The following CCDC110 variants were observed in gnomAD, a reference collection of about 807,000 sequenced individuals.
CCDC110 encodes coiled-coil domain containing 110, also known as coiled-coil domain-containing protein 110.
CCDC110 carries 70 observed loss-of-function variants against 77.1 expected under a neutral mutation model. The ratio of observed to expected loss-of-function variants is 0.91; its 90% confidence interval spans 0.75 to 1.11. The LOEUF (loss-of-function observed/expected upper bound fraction) is 1.11, where lower values mean the gene tolerates loss of function less well. CCDC110 is among the 50% of genes least tolerant of loss of function. The probability of loss-of-function intolerance (pLI) is 0.00; values close to 1 mark genes in which losing one functional copy is unlikely to be tolerated. For missense variants in CCDC110, 868 were observed against 942.9 expected (o/e 0.92, Z 1.04); for synonymous variants, 295 against 312.5 (o/e 0.94, Z 0.59).
In CCDC110 at chr4:185,458,781, A is replaced by G; in HGVS notation, c.1806T>C (p.Leu602=). ...THQLLKEKSS[L]GNELKESQLE... is the part of the protein sequence containing the mutation. ...GCTGGCTTTCTTTTAGTTCATTTCCAAGTGAGCTTTTTTCTTTTAGAAGCT... is the reference window on the plus strand; with the variant it reads ...GCTGGCTTTCTTTTAGTTCATTTCCGAGTGAGCTTTTTTCTTTTAGAAGCT... The change falls in exon 6 of 7, where the codon CTT becomes CTC. Residue 602 remains leucine, a synonymous_variant. Transcript: ENST00000307588. 2 of 1,610,314 alleles carry G rather than the reference A, an allele frequency of 1.2e-6. No homozygotes were observed. Among genetic ancestry groups the G allele is most frequent in the Non-Finnish European group, 1.7e-6 (2 of 1,179,152 alleles).
At chr4:185,471,280 AT>A (rs2095666624) in intron 1 of CCDC110, among the ~76,000 whole-genome samples, 1 of 84,030 alleles carries the variant, frequency 1.2e-5, no homozygotes, top group Non-Finnish European at 2.4e-5. Context: ...GGGCGCAGGG[AT>A]GGGATGGGGC....
intron 4 of CCDC110, 121 bp downstream of exon 4, chr4:185,462,522 C>A: frequency 2.8e-6 from 2 of 722,334 alleles, no homozygotes; most frequent in African/African-American, 1.8e-5. Context: ...CTAGAATATG[C>A]TGTGGCCTCT....
At chr4:185,450,964 T>G (rs935859716) in intron 6 of CCDC110, among the ~76,000 whole-genome samples, 6 of 152,168 alleles carry the variant, frequency 3.9e-5, no homozygotes, top group African/African-American at 1.4e-4. Flanking sequence ...AATCTCATCT[T>G]GAGTTGTAGC....
chr4:185,469,985 C>T (rs747570668), intron 2 of CCDC110, among the ~76,000 whole-genome samples: 1 of 152,194 alleles, frequency 6.6e-6, no homozygotes, highest in Admixed American at 6.5e-5. Flanking sequence ...GCTCCTTCCC[C>T]GGCATGTCCC....
At chr4:185,471,455 G>T (rs969966402) in intron 1 of CCDC110, 136 of 472,894 alleles carry the variant, frequency 2.9e-4, no homozygotes, top group Non-Finnish European at 4.3e-4. Context: ...CTGGGCGGGC[G>T]GCGGCGGCAG....
chr4:185,470,287 C>G (rs2153325805), intron 2 of CCDC110, among the ~76,000 whole-genome samples: 1 of 152,328 alleles, frequency 6.6e-6, no homozygotes, highest in East Asian at 1.9e-4. Context: ...ATGCCCAAGT[C>G]CCTAATACAA....
At chr4:185,453,447 CACTT>C (rs1369696765) in intron 6 of CCDC110, among the ~76,000 whole-genome samples, 1 of 151,976 alleles carries the variant, frequency 6.6e-6, no homozygotes, top group African/African-American at 2.4e-5. Flanking sequence ...AATTATGAAT[CACTT>C]AATCTACATC....
intron 6 of CCDC110, chr4:185,457,341 G>A: frequency 2.2e-6 from 1 of 455,894 alleles, no homozygotes; most frequent in Non-Finnish European, 4.4e-6. Context: ...TACAGGAAAG[G>A]GCAGGCATCT....
Position 185,459,091 on chromosome 4 carries a change from T to A in CCDC110, c.1496A>T (p.Glu499Val), listed in dbSNP as rs977963203. The A allele has an allele frequency of 6.3e-7, 1 of 1,583,034 alleles. No homozygotes were observed. Among genetic ancestry groups the A allele is most frequent in the African/African-American group, 1.4e-5 (1 of 73,908 alleles). The change falls in exon 6 of 7, where the codon GAA becomes GTA. Residue 499 changes from glutamate to valine, a missense_variant. Coordinates refer to ENST00000307588, the MANE Select transcript of CCDC110 (RefSeq NM_152775.4). ...TTCTTTAAGACACTCTTTGCTGTAT[T>A]CTTCTGTTTTACTTAACTTAGACTG... ...TIQSKLSKTE[E>V]YSKECLKEFK...
intron 6 of CCDC110, chr4:185,449,501 C>T (rs1261966983): frequency 2.0e-5 from 15 of 745,318 alleles, no homozygotes; most frequent in Non-Finnish European, 3.2e-5. Flanking sequence ...CCAGCCTGGG[C>T]AACAGAGCGA....
rs759787010 is a variant in CCDC110, at chr4:185,471,035, C to G, written c.25G>C (p.Glu9Gln). Residue 9 changes from glutamate to glutamine, a missense_variant, in exon 2 of 7, where the codon GAA (glutamate) becomes CAA (glutamine). Physicochemically the swap from Glu to Gln is conservative, Grantham distance 29. Coordinates refer to ENST00000307588, the MANE Select transcript of CCDC110 (RefSeq NM_152775.4). ...AGAACGGAGTCAACTTCATCCTCTT[C>G]CCGGTGCTGCTTTTCTGTAACAGAA... MSPEKQHREEDEVDSVLLS... is the reference protein window; with the variant it reads MSPEKQHRQEDEVDSVLLS... 1.6e-5 allele frequency: 25 copies of G among 1,585,338 alleles called. No homozygotes were observed. Among genetic ancestry groups the G allele is most frequent in the South Asian group, 6.7e-5 (6 of 89,896 alleles).
intron 6 of CCDC110, among the ~76,000 whole-genome samples, chr4:185,447,540 G>A (rs1379295987): frequency 2.0e-5 from 3 of 152,140 alleles, no homozygotes; most frequent in African/African-American, 2.4e-5. Context: ...TGCATAAAGC[G>A]TTTGTCAAGT....
At position 185,459,126 on chromosome 4, in the gene CCDC110, C is replaced by CT. The variant is rs1561160132; in HGVS notation, c.1460dup (p.Ser488GlufsTer6). 6.3e-7 allele frequency: 1 copy of CT among 1,596,460 alleles called. No homozygotes were observed. The highest frequency in any genetic ancestry group is 2.2e-5 in the East Asian group (1 of 44,700). Reference sequence around the variant, plus strand: ...TACTTAACTTAGACTGAATAGTACTCTTTTCTTCAACCAGATTCTTAAGTT... The same window carrying CT: ...TACTTAACTTAGACTGAATAGTACTCTTTTTCTTCAACCAGATTCTTAAGTT... On this transcript the variant is annotated frameshift_variant, in exon 6 of 7. Coordinates refer to ENST00000307588, the MANE Select transcript of CCDC110 (RefSeq NM_152775.4). LOFTEE classifies it high-confidence loss of function.
At chr4:185,469,384 T>TA (rs1442889961) in intron 2 of CCDC110, among the ~76,000 whole-genome samples, 10 of 152,220 alleles carry the variant, frequency 6.6e-5, no homozygotes, top group African/African-American at 2.4e-4. Context: ...AGAAAGACTG[T>TA]AACTCTTAAA....
At position 185,459,661 on chromosome 4, in the gene CCDC110, G is replaced by A. The variant is rs770091911; in HGVS notation, c.926C>T (p.Ser309Leu). The A allele has an allele frequency of 1.6e-5, 25 of 1,610,938 alleles. No homozygotes were observed. The East Asian group carries it at 5.6e-4, about 36-fold the overall frequency. ...TGCCTCTAATTCTGAAATTCTCTTT[G>A]ATTTTATATCTTCATTTAAGTTACC... The part of the protein sequence containing the change: ...LDGNLNEDIK[S>L]KRISELEALV... Residue 309 changes from serine to leucine, a missense_variant, in exon 6 of 7, where the codon TCA becomes TTA. Transcript: ENST00000307588.
intron 6 of CCDC110, chr4:185,457,819 G>T: frequency 7.2e-7 from 1 of 1,396,266 alleles, no homozygotes; most frequent in South Asian, 1.4e-5. Context: ...GGAATTCCTA[G>T]GGAAAAAAAA....
At chr4:185,446,785 T>TA (rs1322142660) in intron 6 of CCDC110, among the ~76,000 whole-genome samples, 17 of 152,240 alleles carry the variant, frequency 1.1e-4, no homozygotes, top group Admixed American at 6.5e-4. Flanking sequence ...GTGTTTTCTA[T>TA]AAAAAAAATT....
chr4:185,449,115 T>C (rs1414538932), intron 6 of CCDC110, among the ~76,000 whole-genome samples: 1 of 152,230 alleles, frequency 6.6e-6, no homozygotes, highest in African/African-American at 2.4e-5. Context: ...TAAGTATATA[T>C]GGCTTTAATA....
rs116700025 is a variant in CCDC110, at chr4:185,466,448, C to T, written c.116-3399G>A. 9.9e-3 allele frequency among the ~76,000 whole-genome samples: 1,512 copies of T among 152,090 alleles called. 30 individuals are homozygous for T. The highest frequency in any genetic ancestry group is 0.034 in the African/African-American group (1,431 of 41,484). On this transcript the variant is annotated intron_variant, in intron 2 of 6. Transcript: ENST00000307588. ...AGAAGGACATGCATAGAAGCCCGAA[C>T]GAAGTGCTTGAGGAGAGAATGGAAT...
Sources: allele counts gnomAD v4.1 joint callset (sites outside exome capture counted in the v4.1 genomes callset), GRCh38; gene constraint gnomAD v4.1.1; transcripts MANE v1.5; gene names NCBI Gene and HGNC (gene_info 2026-07-23, HGNC 2026-07-21).